The following PDGFC variants were observed in gnomAD, a reference collection of about 807,000 sequenced individuals.
The protein encoded by PDGFC is platelet-derived growth factor C.
Under a neutral mutation model 35.5 loss-of-function variants are expected in PDGFC, and 12 were observed. The ratio of observed to expected loss-of-function variants is 0.34; its 90% CI spans 0.22 to 0.55. The LOEUF (loss-of-function observed/expected upper bound fraction) is 0.55. Ranked by LOEUF, PDGFC falls within the 20% of genes least tolerant of loss-of-function variation. The probability of loss-of-function intolerance (pLI) is 0.91; values close to 1 mark genes in which losing one functional copy is unlikely to be tolerated. For synonymous variants in PDGFC, 159 were observed against 148.8 expected (o/e 1.07, Z -0.50); for missense variants, 322 against 412.4 (o/e 0.78, Z 1.90).
At chr4:156,859,490 G>A (rs958763964) in intron 1 of PDGFC, among the ~76,000 whole-genome samples, 2 of 152,102 alleles carry the variant, frequency 1.3e-5, no homozygotes, top group Admixed American at 6.6e-5. Context: ...GTAGCAAGAT[G>A]TTTGGTTTCA....
intron 1 of PDGFC, among the ~76,000 whole-genome samples, chr4:156,863,137 A>T (rs1729757536): frequency 6.6e-6 from 1 of 152,228 alleles, no homozygotes; most frequent in African/African-American, 2.4e-5. Flanking sequence ...AGTTGTCACA[A>T]TAAATAAGGG....
At chr4:156,922,557 T>G (rs868061189) in intron 1 of PDGFC, among the ~76,000 whole-genome samples, 2 of 152,158 alleles carry the variant, frequency 1.3e-5, no homozygotes, top group Admixed American at 1.3e-4. Flanking sequence ...AAAAGACTCA[T>G]GGTTTTCAGG....
intron 1 of PDGFC, among the ~76,000 whole-genome samples, chr4:156,888,687 T>A (rs1730432719): frequency 6.6e-6 from 1 of 152,186 alleles, no homozygotes. Flanking sequence ...ATCACTTTTT[T>A]CTTAGTCTTT....
At chr4:156,916,181 C>G (rs530835333) in intron 1 of PDGFC, among the ~76,000 whole-genome samples, 1 of 152,168 alleles carries the variant, frequency 6.6e-6, no homozygotes, top group African/African-American at 2.4e-5. Context: ...GGTTCTTACC[C>G]CAAGGCACAG....
At chr4:156,824,331 C>CACATATACACAT (rs1732376285) in intron 2 of PDGFC, among the ~76,000 whole-genome samples, 7 of 76,212 alleles carry the variant, frequency 9.2e-5, no homozygotes, top group African/African-American at 5.5e-4. Flanking sequence ...TATATATACA[C>CACATATACACAT]ACACACACAC....
intron 2 of PDGFC, among the ~76,000 whole-genome samples, chr4:156,827,312 G>T: frequency 6.6e-6 from 1 of 151,960 alleles, no homozygotes; most frequent in East Asian, 1.9e-4. Context: ...AGCTACTCGG[G>T]AGGCTGAGGC....
At chr4:156,817,586 T>C (rs1187714283) in intron 2 of PDGFC, among the ~76,000 whole-genome samples, 1 of 152,130 alleles carries the variant, frequency 6.6e-6, no homozygotes, top group Non-Finnish European at 1.5e-5. Context: ...CAGGAGAGCA[T>C]GACTAGCTTG....
chr4:156,943,893 C>T (rs1731874113), intron 1 of PDGFC, among the ~76,000 whole-genome samples: 1 of 152,142 alleles, frequency 6.6e-6, no homozygotes. Context: ...TTTTCTTCCA[C>T]TGTGGATTTT....
chr4:156,824,325 T>TATATACACACATACAC (rs1313538089), intron 2 of PDGFC, among the ~76,000 whole-genome samples: 1 of 109,634 alleles, frequency 9.1e-6, no homozygotes, highest in African/African-American at 4.8e-5. Context: ...TATATATATA[T>TATATACACACATACAC]ATACACACAC....
chr4:156,810,492 T>C lies in PDGFC; in HGVS notation c.495+345A>G, dbSNP rs185675365. On this transcript the variant is annotated intron_variant, in intron 3 of 5. Coordinates refer to ENST00000502773, the MANE Select transcript of PDGFC (RefSeq NM_016205.3). ...GTCATTTTCAAAATTCAGTTTGCATTGTATTGCTTCTTTTTAGCTATACCC... is the reference window on the plus strand; with the variant it reads ...GTCATTTTCAAAATTCAGTTTGCATCGTATTGCTTCTTTTTAGCTATACCC... Among the ~76,000 whole-genome samples, 31 of 152,144 alleles carry C rather than the reference T, an allele frequency of 2.0e-4. No individual in the cohort carries two copies. The East Asian group carries it at 5.8e-3, about 28-fold the overall frequency.
chr4:156,971,462 C>G lies in PDGFC; in HGVS notation c.-559G>C. 5.2e-6 allele frequency: 1 copy of G among 191,932 alleles called. No homozygotes were observed. Among genetic ancestry groups the G allele is most frequent in the Non-Finnish European group, 1.0e-5 (1 of 95,890 alleles). The allele number at this position is 191,932 out of a possible 1,614,324, so 11.9% of individuals were successfully genotyped here. A position where few individuals can be genotyped will look rare whatever the true frequency, so the allele number is the denominator to read the frequency against. ...GGGAAGAAACAAGGCGAGGGCGCCG[C>G]GGCGGGTCCCACGGGCCGGGGCGCC... On this transcript the variant is annotated 5_prime_UTR_variant, in exon 1 of 6. Transcript: ENST00000502773.
chr4:156,857,989 CT>C lies in PDGFC; in HGVS notation c.119-7574del, dbSNP rs373138496. Among the ~76,000 whole-genome samples, 1,130 of 152,120 alleles carry C rather than the reference CT, an allele frequency of 7.4e-3. 12 individuals carry two copies. The highest frequency in any genetic ancestry group is 0.026 in the African/African-American group (1,068 of 41,526). On this transcript the variant is annotated intron_variant, in intron 1 of 5. Coordinates refer to ENST00000502773, the MANE Select transcript of PDGFC (RefSeq NM_016205.3). ...CTCAGTGTTGTGAATAAATAAACAA[CT>C]TTTATTATTAAGCCAATAAGAGTTA...
chr4:156,789,551 A>T (rs1731231908), intron 3 of PDGFC, among the ~76,000 whole-genome samples: 1 of 150,284 alleles, frequency 6.7e-6, no homozygotes, highest in Non-Finnish European at 1.5e-5. Flanking sequence ...CACACCAACT[A>T]GCACTCATCA....
At chr4:156,889,649 T>C (rs1161804678) in intron 1 of PDGFC, among the ~76,000 whole-genome samples, 1 of 152,200 alleles carries the variant, frequency 6.6e-6, no homozygotes, top group Non-Finnish European at 1.5e-5. Context: ...AGAACTCCAC[T>C]CCACACAATT....
intron 1 of PDGFC, among the ~76,000 whole-genome samples, chr4:156,894,035 A>G (rs1730575292): frequency 6.6e-6 from 1 of 152,156 alleles, no homozygotes. Context: ...AAGGTGACTG[A>G]TAAGTATCAG....
intron 3 of PDGFC, among the ~76,000 whole-genome samples, chr4:156,808,324 G>A (rs1354080228): frequency 6.6e-6 from 1 of 152,044 alleles, no homozygotes; most frequent in Admixed American, 6.6e-5. Context: ...CTATAAACTA[G>A]TAGTTAATAT....
chr4:156,768,323 A>G (rs1179194556), intron 4 of PDGFC, among the ~76,000 whole-genome samples: 3 of 152,098 alleles, frequency 2.0e-5, no homozygotes, highest in Admixed American at 2.0e-4. Flanking sequence ...TAGTAAAAAA[A>G]AAAAAAATAG....
chr4:156,816,167 T>A (rs564371768), intron 2 of PDGFC, among the ~76,000 whole-genome samples: 1 of 152,308 alleles, frequency 6.6e-6, no homozygotes, highest in South Asian at 2.1e-4. Context: ...CTGTTTCTAG[T>A]TCATGCTAAC....
At chr4:156,839,853 A>T (rs1373352775) in intron 2 of PDGFC, among the ~76,000 whole-genome samples, 1 of 152,196 alleles carries the variant, frequency 6.6e-6, no homozygotes, top group South Asian at 2.1e-4. Flanking sequence ...ACTTGTTGGG[A>T]ACTGGATTAA....
Sources: gnomAD v4.1 joint callset for allele counts (sites outside exome capture counted in the v4.1 genomes callset) on GRCh38, gnomAD v4.1.1 for gene constraint, MANE v1.5 for transcripts, NCBI Gene and HGNC (gene_info 2026-07-23, HGNC 2026-07-21) for gene names.